Variants in JUP observed in about 807,000 individuals in gnomAD.
JUP encodes the protein catenin (cadherin-associated protein), gamma 80kDa.
A neutral mutation model predicts 71.1 loss-of-function variants in JUP; 28 were observed. The ratio of observed to expected loss-of-function variants is 0.39; its 90% CI spans 0.29 to 0.54. JUP has a LOEUF of 0.54. Ranked by LOEUF, JUP falls within the 20% of genes least tolerant of loss-of-function variation. JUP has a pLI of 0.62. For synonymous variants in JUP, 401 were observed against 438.9 expected (o/e 0.91, Z 1.08); for missense variants, 869 against 1,030.1 (o/e 0.84, Z 2.14).
At chr17:41,778,004 A>G (rs2046966411) in intron 1 of JUP, among the ~76,000 whole-genome samples, 1 of 152,150 alleles carries the variant, frequency 6.6e-6, no homozygotes, top group Non-Finnish European at 1.5e-5. Context: ...AACAACAACA[A>G]AAGGTTGACG....
chr17:41,758,322 C>T, intron 10 of JUP, 77 bp downstream of exon 10: 1 of 1,596,836 alleles, frequency 6.3e-7, no homozygotes, highest in South Asian at 1.1e-5. Context: ...GTCCAGGCCT[C>T]CCAAATCTGG....
rs1555605891 is a variant in JUP at position 41,769,593 on chromosome 17, C to T, written c.293G>A (p.Ser98Asn). 6.2e-7 allele frequency: 1 copy of T among 1,604,858 alleles called. No homozygotes were observed. The highest frequency in any genetic ancestry group is 2.2e-5 in the East Asian group (1 of 44,518). ...AMCPGVSGED[S>N]SLLLATQVEG... ...CACCTGGGTGGCCAGCAGAAGCGAG[C>T]TGTCCTCGCCTGACACACCAGGGCA... The change falls in exon 3 of 14, where the codon AGC (serine) becomes AAC (asparagine). Residue 98 changes from serine (S) to asparagine (N), a missense_variant. Physicochemically the swap from Ser to Asn is conservative, Grantham distance 46 (BLOSUM62 1). Coordinates refer to ENST00000393931, the MANE Select transcript of JUP (RefSeq NM_002230.4).
chr17:41,770,684 C>T (rs192763641), intron 2 of JUP, among the ~76,000 whole-genome samples: 88 of 152,362 alleles, frequency 5.8e-4, no homozygotes, highest in Admixed American at 2.5e-3. Flanking sequence ...CTGTGGCCAA[C>T]AGTTCTAGGG....
chr17:41,769,783 T>G (rs1402771396), intron 2 of JUP, 106 bp from the exon 3 acceptor site: 4 of 1,310,168 alleles, frequency 3.1e-6, no homozygotes, highest in Non-Finnish European at 4.2e-6. Flanking sequence ...GGGCTACCTC[T>G]TGCCCTGCCC....
At chr17:41,772,213 C>T (rs1173372657) in intron 1 of JUP, 1 of 391,526 alleles carries the variant, frequency 2.6e-6, no homozygotes, top group South Asian at 2.2e-5. Flanking sequence ...TGACCCAACT[C>T]TCCCAGGGGC....
Position 41,758,530 on chromosome 17 carries a change from G to A in JUP, c.1654-12C>T, listed in dbSNP as rs1555599561. ...ATCCTCACACCATCCTGTGTGAGAG[G>A]AGGCAGGGGGCATGGGACAGGTGCC... On this transcript the variant is annotated splice_polypyrimidine_tract_variant and intron_variant, in intron 9 of 13. Transcript: ENST00000393931. 2 of 1,605,746 alleles carry A rather than the reference G, an allele frequency of 1.2e-6. No individual in the cohort carries two copies. Among genetic ancestry groups the A allele is most frequent in the South Asian group, 2.2e-5 (2 of 90,758 alleles).
intron 1 of JUP, among the ~76,000 whole-genome samples, chr17:41,773,210 G>A (rs1916928628): frequency 6.6e-6 from 1 of 152,196 alleles, no homozygotes; most frequent in Non-Finnish European, 1.5e-5. Flanking sequence ...CACTGTGATG[G>A]GGACCAGGTG....
Position 41,758,559 on chromosome 17 carries a change from G to C in JUP, c.1654-41C>G, listed in dbSNP as rs190433054. ...CAGGGGGCATGGGACAGGTGCCTTGGACATGGCCACAACTCCTCCCCATGA... is the reference window on the plus strand; with the variant it reads ...CAGGGGGCATGGGACAGGTGCCTTGCACATGGCCACAACTCCTCCCCATGA... On this transcript the variant is annotated intron_variant, in intron 9 of 13. Coordinates refer to ENST00000393931, the MANE Select transcript of JUP (RefSeq NM_002230.4). 214 of 1,596,996 alleles carry C rather than the reference G, an allele frequency of 1.3e-4. 1 individual carries two copies. The African/African-American group carries it at 2.4e-3, about 18-fold the overall frequency.
intron 7 of JUP, 28 bp from the exon 8 acceptor site, chr17:41,763,349 T>A: frequency 6.3e-7 from 1 of 1,575,034 alleles, no homozygotes; most frequent in Non-Finnish European, 8.7e-7. Context: ...GACGGGGGAG[T>A]CAGGGAGCAG....
rs1392289251 is a variant in JUP, at chr17:41,755,661, G to A, written c.*83C>T. ...AAAAAGGAGCGCAGGTTTCAGCGGGGAGATGGGAGGGCCTCCAACAGAAGG... is the reference window on the plus strand; with the variant it reads ...AAAAAGGAGCGCAGGTTTCAGCGGGAAGATGGGAGGGCCTCCAACAGAAGG... On this transcript the variant is annotated 3_prime_UTR_variant, in exon 14 of 14. Coordinates refer to ENST00000393931, the MANE Select transcript of JUP (RefSeq NM_002230.4). 4 of 1,329,876 alleles carry A rather than the reference G, an allele frequency of 3.0e-6. No individual in the cohort carries two copies. The highest frequency in any genetic ancestry group is 2.4e-5 in the East Asian group (1 of 42,126). The allele number at this position is 1,329,876 out of a possible 1,614,324, so 82.4% of individuals were successfully genotyped here.
chr17:41,759,303 G>T (rs1470137604), intron 8 of JUP, among the ~76,000 whole-genome samples: 18 of 152,182 alleles, frequency 1.2e-4, no homozygotes, highest in African/African-American at 4.3e-4. Context: ...TCGAACCCCT[G>T]ACCTCAGGTG....
intron 1 of JUP, among the ~76,000 whole-genome samples, chr17:41,781,820 T>C (rs1443296938): frequency 1.3e-5 from 2 of 152,216 alleles, no homozygotes; most frequent in African/African-American, 4.8e-5. Flanking sequence ...CAAGATTTCA[T>C]CTTTAGCAGG....
rs1555602228 is a variant in JUP at position 41,763,162 on chromosome 17, G to A, written c.1318C>T (p.His440Tyr). 4 of 1,614,126 alleles carry A rather than the reference G, an allele frequency of 2.5e-6. No individual in the cohort carries two copies. In the East Asian group the frequency reaches 8.9e-5, roughly 36 times the overall value. ...TQNSGVEALI[H>Y]AILRAGDKDD... ...TTGTCACCAGCACGCAGGATGGCAT[G>A]GATGAGAGCCTCCACACCGCTGTTC... The change falls in exon 8 of 14, where the codon CAT (histidine) becomes TAT (tyrosine). Residue 440 changes from histidine (H) to tyrosine (Y), a missense_variant. Coordinates refer to ENST00000393931, the MANE Select transcript of JUP (RefSeq NM_002230.4).
chr17:41,757,734 CA>C lies in JUP; in HGVS notation c.1823del (p.Leu608ArgfsTer79). On this transcript the variant is annotated frameshift_variant, in exon 11 of 14. Coordinates refer to ENST00000393931, the MANE Select transcript of JUP (RefSeq NM_002230.4). LOFTEE classifies it high-confidence loss of function. ...CCTCCTTGTCCTGGGCCAGCTCACA[CA>C]GCACCCCGGCAGCCACGCGCTGGAT... is the stretch of plus-strand genomic sequence containing the variant. ...ENIQRVAAGVLCELAQDKEAA... is the reference protein window; with the variant it reads ...ENIQRVAAGVXCELAQDKEAA... 6.2e-7 allele frequency: 1 copy of C among 1,613,026 alleles called. No individual in the cohort carries two copies. The highest frequency in any genetic ancestry group is 2.2e-5 in the East Asian group (1 of 44,870).
intron 1 of JUP, among the ~76,000 whole-genome samples, chr17:41,779,604 A>G (rs1281327332): frequency 6.6e-6 from 1 of 152,134 alleles, no homozygotes; most frequent in African/African-American, 2.4e-5. Context: ...CTGGGATTAC[A>G]GGCGTGAGCC....
At chr17:41,766,825 T>C (rs1260409356) in intron 5 of JUP, among the ~76,000 whole-genome samples, 66 of 149,146 alleles carry the variant, frequency 4.4e-4, no homozygotes, top group Non-Finnish European at 8.3e-4. Context: ...ATTGCACTCC[T>C]GCCTGGGCGA....
intron 8 of JUP, among the ~76,000 whole-genome samples, chr17:41,761,325 A>G (rs1038990959): frequency 1.3e-5 from 2 of 152,140 alleles, no homozygotes; most frequent in Admixed American, 1.3e-4. Context: ...TGGCTGAATG[A>G]CCAAGTTCTG....
intron 1 of JUP, among the ~76,000 whole-genome samples, chr17:41,774,548 G>T (rs1304571451): frequency 6.6e-6 from 1 of 151,988 alleles, no homozygotes; most frequent in Non-Finnish European, 1.5e-5. Flanking sequence ...TGGCCAGGCT[G>T]GTCTTGAACT....
chr17:41,756,674 G>A (rs188696179), intron 12 of JUP, among the ~76,000 whole-genome samples: 5 of 152,164 alleles, frequency 3.3e-5, no homozygotes, highest in East Asian at 3.9e-4. Flanking sequence ...CAAGGCGGGC[G>A]GATCACAAGG....
Sources: allele counts gnomAD v4.1 joint callset (sites outside exome capture counted in the v4.1 genomes callset), GRCh38; gene constraint gnomAD v4.1.1; transcripts MANE v1.5; gene names NCBI Gene and HGNC (gene_info 2026-07-23, HGNC 2026-07-21).